The following ADAMTS18 variants were observed in gnomAD, a reference collection of about 807,000 sequenced individuals.
The protein encoded by ADAMTS18 is A disintegrin and metalloproteinase with thrombospondin motifs 18.
Under a neutral mutation model 165.9 loss-of-function variants are expected in ADAMTS18, and 157 were observed. The ratio of observed to expected loss-of-function variants is 0.95; its 90% CI spans 0.83 to 1.08. The LOEUF (loss-of-function observed/expected upper bound fraction) is 1.08. Ranked by LOEUF, ADAMTS18 falls within the 50% of genes least tolerant of loss-of-function variation. The pLI, the probability that ADAMTS18 is intolerant of heterozygous loss-of-function variation, is 0.00. For missense variants in ADAMTS18, 2,040 were observed against 1,534.0 expected (o/e 1.33, Z -5.51); for synonymous variants, 782 against 578.2 (o/e 1.35, Z -5.06).
chr16:77,321,558 C>G (rs892790375), intron 14 of ADAMTS18, among the ~76,000 whole-genome samples: 1 of 152,044 alleles, frequency 6.6e-6, no homozygotes, highest in Admixed American at 6.6e-5. Flanking sequence ...AAACATACAC[C>G]CTTAAAAGAT....
intron 13 of ADAMTS18, among the ~76,000 whole-genome samples, chr16:77,323,984 G>C (rs1185328175): frequency 1.3e-5 from 2 of 152,168 alleles, no homozygotes; most frequent in Non-Finnish European, 1.5e-5. Flanking sequence ...AAAGAACTTT[G>C]ACACCAGCAA....
At chr16:77,406,993 G>C (rs2057401119) in intron 3 of ADAMTS18, among the ~76,000 whole-genome samples, 2 of 151,960 alleles carry the variant, frequency 1.3e-5, no homozygotes, top group South Asian at 4.2e-4. Context: ...TGGGTACTCT[G>C]CTCACTACCT....
chr16:77,359,508 C>T (rs1180710083), intron 7 of ADAMTS18, 85 bp from the exon 8 acceptor site: 3 of 1,137,232 alleles, frequency 2.6e-6, no homozygotes, highest in Non-Finnish European at 3.8e-6. Context: ...AAATGTTCTA[C>T]ACAGTTTTAG....
chr16:77,426,393 T>C (rs1167869697), intron 3 of ADAMTS18, among the ~76,000 whole-genome samples: 2 of 152,170 alleles, frequency 1.3e-5, no homozygotes, highest in East Asian at 1.9e-4. Flanking sequence ...ACTATAGGTA[T>C]AAACAGAGTT....
chr16:77,385,605 T>C (rs1253668622), intron 3 of ADAMTS18, among the ~76,000 whole-genome samples: 1 of 152,214 alleles, frequency 6.6e-6, no homozygotes, highest in Non-Finnish European at 1.5e-5. Flanking sequence ...CCCTTGGAAC[T>C]GACAGCATTT....
intron 10 of ADAMTS18, among the ~76,000 whole-genome samples, chr16:77,349,019 GA>G (rs141660320): frequency 0.087 from 13,216 of 152,202 alleles, 767 homozygotes; most frequent in East Asian, 0.25. Context: ...GTGCATGGGG[GA>G]AAGTTAATAG....
At chr16:77,345,121 C>G (rs1265758074) in intron 10 of ADAMTS18, among the ~76,000 whole-genome samples, 1 of 152,164 alleles carries the variant, frequency 6.6e-6, no homozygotes, top group African/African-American at 2.4e-5. Context: ...ATCCATTATT[C>G]TGTCCTGTCA....
chr16:77,321,165 A>G lies in ADAMTS18; in HGVS notation c.2201T>C (p.Val734Ala). Residue 734 changes from valine to alanine, a missense_variant, in exon 15 of 23, where the codon GTT becomes GCT. By Grantham distance (64) the Val-to-Ala change is moderately conservative. Transcript: ENST00000282849. ...GCDHELGSKA[V>A]SDACGVCKGD... ...TTTGCAAACGCCACAAGCATCTGAA[A>G]CTGCTTTAGAGCCTAGTTCATGATC... is the stretch of plus-strand genomic sequence containing the variant. The G allele has an allele frequency of 6.2e-7, 1 of 1,614,200 alleles. No individual in the cohort carries two copies. The highest frequency in any genetic ancestry group is 1.3e-5 in the African/African-American group (1 of 75,058).
At chr16:77,422,716 A>T (rs2057619407) in intron 3 of ADAMTS18, among the ~76,000 whole-genome samples, 1 of 151,922 alleles carries the variant, frequency 6.6e-6, no homozygotes, top group African/African-American at 2.4e-5. Flanking sequence ...AAAAATGCAT[A>T]TTTTTTTATG....
intron 3 of ADAMTS18, among the ~76,000 whole-genome samples, chr16:77,383,610 C>T (rs367749936): frequency 6.6e-6 from 1 of 152,072 alleles, no homozygotes; most frequent in Non-Finnish European, 1.5e-5. Flanking sequence ...GTGGCGCAAT[C>T]TCAGCTCACT....
Position 77,291,418 on chromosome 16 carries a change from A to C in ADAMTS18, c.3250T>G (p.Phe1084Val). 1 of 1,614,146 alleles carries C rather than the reference A, an allele frequency of 6.2e-7. No individual in the cohort carries two copies. ...GGGAAAGTTATCAGCTTTCCCTGGA[A>C]GCCCTTCTCGCTGCACTTCATCTCC... Reference protein sequence around the residue: ...KREMKCSEKGFQGKLITFPER... With the variant: ...KREMKCSEKGVQGKLITFPER... The change falls in exon 21 of 23, where the codon TTC becomes GTC. Residue 1084 changes from phenylalanine (F) to valine (V), a missense_variant. Physicochemically the swap from Phe to Val is conservative, Grantham distance 50 (BLOSUM62 -1). Transcript: ENST00000282849.
intron 17 of ADAMTS18, 102 bp from the exon 18 acceptor site, chr16:77,297,517 C>T (rs2055497506): frequency 7.9e-7 from 1 of 1,260,612 alleles, no homozygotes; most frequent in Non-Finnish European, 1.1e-6. Context: ...TATTTTATTT[C>T]AGATATGGAA....
intron 12 of ADAMTS18, 95 bp downstream of exon 12, chr16:77,335,661 A>C: frequency 2.1e-6 from 3 of 1,460,444 alleles, no homozygotes; most frequent in Non-Finnish European, 2.9e-6. Context: ...AATTAAAAAT[A>C]AAAAAATAAA....
At chr16:77,293,920 G>A (rs1404874863) in intron 19 of ADAMTS18, among the ~76,000 whole-genome samples, 1 of 151,774 alleles carries the variant, frequency 6.6e-6, no homozygotes, top group African/African-American at 2.4e-5. Flanking sequence ...CCACAAACAG[G>A]TACTTGTTCA....
At chr16:77,371,681 T>C (rs1325245418) in intron 3 of ADAMTS18, among the ~76,000 whole-genome samples, 1 of 152,064 alleles carries the variant, frequency 6.6e-6, no homozygotes, top group Non-Finnish European at 1.5e-5. Context: ...GAAGAAAACA[T>C]AGGGAAAATA....
At chr16:77,353,313 A>T (rs2056582717) in intron 10 of ADAMTS18, among the ~76,000 whole-genome samples, 1 of 152,184 alleles carries the variant, frequency 6.6e-6, no homozygotes. Flanking sequence ...GACAATATTA[A>T]AAAAGCTAGC....
intron 9 of ADAMTS18, among the ~76,000 whole-genome samples, chr16:77,355,176 G>C (rs1157572179): frequency 6.9e-6 from 1 of 143,890 alleles, no homozygotes; most frequent in Non-Finnish European, 1.5e-5. Context: ...TGTCCTTGTG[G>C]GTCAATATAG....
intron 3 of ADAMTS18, among the ~76,000 whole-genome samples, chr16:77,400,480 GTTTTGTTTTT>G (rs1307639192): frequency 3.4e-4 from 35 of 104,084 alleles, no homozygotes; most frequent in African/African-American, 8.0e-4. Context: ...GTGTGTGTGT[GTTTTGTTTTT>G]TTTTTTTTTG....
In ADAMTS18 at chr16:77,359,374, G is replaced by A. The variant is rs372959812; in HGVS notation, c.1266C>T (p.Ile422=). ...GMCSKYRSCT[I]NEDTGLGLAF... is the part of the protein sequence containing the mutation. The stretch of plus-strand genomic sequence containing the variant: ...CAAGGCCAAGTCCTGTGTCCTCATT[G>A]ATGGTACAACTTCGGTACTTAGAGC... The change falls in exon 8 of 23, where the codon ATC becomes ATT. Residue 422 remains isoleucine (I), a synonymous_variant. Transcript: ENST00000282849. 3.7e-5 allele frequency: 60 copies of A among 1,614,020 alleles called. No homozygotes were observed. Among genetic ancestry groups the A allele is most frequent in the Non-Finnish European group, 4.8e-5 (57 of 1,180,028 alleles).
Sources: allele counts gnomAD v4.1 joint callset (sites outside exome capture counted in the v4.1 genomes callset), GRCh38; gene constraint gnomAD v4.1.1; transcripts MANE v1.5; gene names NCBI Gene and HGNC (gene_info 2026-07-23, HGNC 2026-07-21).